The following LCORL variants were observed in gnomAD, a reference collection of about 807,000 sequenced individuals.
LCORL encodes ligand dependent nuclear receptor corepressor like, also known as ligand-dependent nuclear receptor corepressor-like protein.
LCORL carries 41 observed loss-of-function variants against 141.8 expected under a neutral mutation model. The observed-to-expected ratio is 0.29, with a 90% CI of 0.23 to 0.38. The LOEUF (loss-of-function observed/expected upper bound fraction) is 0.38, where lower values mean the gene tolerates loss of function less well. Ranked by LOEUF, LCORL falls within the 10% of genes least tolerant of loss-of-function variation. LCORL has a pLI of 1.00. For synonymous variants in LCORL, 618 were observed against 694.1 expected, an observed-to-expected ratio of 0.89 and a Z score of 1.72; for missense variants, 1,759 against 2,035.0, an observed-to-expected ratio of 0.86 and a Z score of 2.61.
chr4:17,846,318 A>T (rs894038351), intron 7 of LCORL, among the ~76,000 whole-genome samples: 3 of 152,158 alleles, frequency 2.0e-5, no homozygotes, highest in African/African-American at 7.2e-5. Context: ...GTATTGTCTC[A>T]TCTGAATTTT....
chr4:17,908,971 T>C, intron 5 of LCORL, 123 bp downstream of exon 5: 3 of 863,012 alleles, frequency 3.5e-6, no homozygotes, highest in Non-Finnish European at 5.1e-6. Flanking sequence ...ACATATTACA[T>C]AAGCAAATTA....
At chr4:17,965,710 T>C (rs1479596146) in intron 2 of LCORL, among the ~76,000 whole-genome samples, 1 of 152,104 alleles carries the variant, frequency 6.6e-6, no homozygotes, top group African/African-American at 2.4e-5. Context: ...TCATGTGGCC[T>C]CAGTCAGGCA....
rs1560464176 is a variant in LCORL at position 17,998,988 on chromosome 4, ATATATATATATATATACACACATAT to A, written c.154+22585_154+22609del. Among the ~76,000 whole-genome samples, 419 of 53,840 alleles carry A rather than the reference ATATATATATATATATACACACATAT, an allele frequency of 7.8e-3. 3 individuals are homozygous for A. The highest frequency in any genetic ancestry group is 0.027 in the African/African-American group (407 of 15,036). The allele number at this position is 53,840 out of a possible 152,430, so 35.3% of individuals were successfully genotyped here. ...TCAAAAAAAAAAAAAAAAAAAAAAT[ATATATATATATATATACACACATAT>A]ATATATATATATATATAGTATAGTA... is the stretch of plus-strand genomic sequence containing the variant. On this transcript the variant is annotated intron_variant, in intron 1 of 7. Coordinates refer to ENST00000635767, the Ensembl canonical transcript of LCORL.
At chr4:17,967,072 C>T (rs933944271) in intron 2 of LCORL, among the ~76,000 whole-genome samples, 4 of 152,008 alleles carry the variant, frequency 2.6e-5, no homozygotes, top group Admixed American at 2.6e-4. Flanking sequence ...ATCTATACAA[C>T]GCAATATTAT....
At chr4:17,950,377 C>A (rs1477057298) in intron 4 of LCORL, among the ~76,000 whole-genome samples, 3 of 152,112 alleles carry the variant, frequency 2.0e-5, no homozygotes, top group Admixed American at 6.5e-5. Context: ...TAAATGGACT[C>A]TTTTGCCTTC....
chr4:17,919,861 G>A (rs1577420098), intron 4 of LCORL, among the ~76,000 whole-genome samples: 1 of 152,168 alleles, frequency 6.6e-6, no homozygotes, highest in Non-Finnish European at 1.5e-5. Flanking sequence ...AGATGGTCTT[G>A]CCCTATACTC....
chr4:17,887,648 G>A (rs1398599045), intron 5 of LCORL, among the ~76,000 whole-genome samples: 1 of 152,116 alleles, frequency 6.6e-6, no homozygotes, highest in Non-Finnish European at 1.5e-5. Flanking sequence ...GGTTAAACAG[G>A]GCCATTGGGC....
intron 1 of LCORL, among the ~76,000 whole-genome samples, chr4:17,988,850 T>C (rs576879981): frequency 7.2e-5 from 11 of 152,068 alleles, no homozygotes; most frequent in African/African-American, 2.7e-4. Flanking sequence ...CTGGGCATGG[T>C]GGTGTGCGCC....
At chr4:18,020,763 T>C (rs913539823) in intron 1 of LCORL, 3 of 151,932 alleles carry the variant, frequency 2.0e-5, no homozygotes, top group African/African-American at 7.3e-5. Flanking sequence ...TATATGTGTG[T>C]GTGTGTGTAA....
intron 4 of LCORL, among the ~76,000 whole-genome samples, chr4:17,925,878 C>CAAAAAAAAA (rs71167343): frequency 1.0e-5 from 1 of 96,630 alleles, no homozygotes; most frequent in African/African-American, 5.4e-5. Flanking sequence ...GATTCCATCT[C>CAAAAAAAAA]AAAAAAAAAA....
intron 2 of LCORL, among the ~76,000 whole-genome samples, chr4:17,965,202 G>C (rs917737479): frequency 6.6e-6 from 1 of 151,922 alleles, no homozygotes; most frequent in African/African-American, 2.4e-5. Flanking sequence ...AAAATGTATA[G>C]CTTTATAGCT....
chr4:18,021,824 C>T lies in LCORL; in HGVS notation c.-73G>A, dbSNP rs1000045836. ...ACGAGGCAGGGGCGCGAGCCCTCGG[C>T]GCGAGCCCCGGAGCGCGCGCCCCCC... On this transcript the variant is annotated 5_prime_UTR_variant, in exon 1 of 8. Transcript: ENST00000635767. This position sits in a 1 kb window ranked among gnomAD's most constrained non-coding sequence, Gnocchi z 5.5. The T allele has an allele frequency of 7.5e-7, 1 of 1,334,628 alleles. No homozygotes were observed. Among genetic ancestry groups the T allele is most frequent in the Non-Finnish European group, 9.7e-7 (1 of 1,027,860 alleles). 82.7% of individuals were successfully genotyped at this position (1,334,628 alleles called of 1,614,324 possible).
At chr4:18,016,307 G>C (rs1025325436) in intron 1 of LCORL, among the ~76,000 whole-genome samples, 16 of 152,158 alleles carry the variant, frequency 1.1e-4, no homozygotes, top group African/African-American at 3.9e-4. Context: ...GACAGGTTAA[G>C]CTATTTGACC....
At chr4:17,972,276 C>G (rs16896182) in intron 2 of LCORL, among the ~76,000 whole-genome samples, 38,567 of 151,678 alleles carry the variant, frequency 0.25, 6,591 homozygotes, top group African/African-American at 0.48. Flanking sequence ...ATTAGAAAGA[C>G]ATGTCCTAAC....
At chr4:17,880,047 A>G (rs1039504289) in intron 6 of LCORL, among the ~76,000 whole-genome samples, 3 of 151,070 alleles carry the variant, frequency 2.0e-5, no homozygotes, top group Non-Finnish European at 4.5e-5. Context: ...TGACATTCTA[A>G]GCAAAGCTTT....
chr4:17,933,326 T>C (rs1285500857), intron 4 of LCORL, among the ~76,000 whole-genome samples: 1 of 152,154 alleles, frequency 6.6e-6, no homozygotes, highest in African/African-American at 2.4e-5. Flanking sequence ...GTTGGACTTT[T>C]TGTTGTTGTT....
chr4:17,853,623 G>A (rs923970086), intron 7 of LCORL, among the ~76,000 whole-genome samples: 3 of 152,122 alleles, frequency 2.0e-5, no homozygotes, highest in Non-Finnish European at 4.4e-5. Flanking sequence ...ACTTGACACT[G>A]TCAAATCTGA....
chr4:17,936,360 GAAAAAA>G (rs10646952), intron 4 of LCORL, among the ~76,000 whole-genome samples: 2 of 96,454 alleles, frequency 2.1e-5, no homozygotes, highest in Non-Finnish European at 4.6e-5. Context: ...GTCTCATAAT[GAAAAAA>G]AAAAAAAAAA....
chr4:17,853,798 T>C lies in LCORL; in HGVS notation c.5603-7897A>G, dbSNP rs181451072. ...CTATCCAAATATCACGATAGGTTTG[T>C]TAAGTGCACGAACCTAGATGAGAGA... On this transcript the variant is annotated intron_variant, in intron 7 of 7. Transcript: ENST00000635767. 2.0e-5 allele frequency among the ~76,000 whole-genome samples: 3 copies of C among 152,224 alleles called. No individual in the cohort carries two copies. In the East Asian group the frequency reaches 5.8e-4, roughly 29 times the overall value.
Sources: gnomAD v4.1 joint callset for allele counts (sites outside exome capture counted in the v4.1 genomes callset) on GRCh38, gnomAD v4.1.1 for gene constraint, Gnocchi (gnomAD v3.1) non-coding constraint, MANE v1.5 for transcripts, NCBI Gene and HGNC (gene_info 2026-07-23, HGNC 2026-07-21) for gene names.